The following BNC2 variants were observed in gnomAD, a reference collection of about 807,000 sequenced individuals.
BNC2 encodes zinc finger protein basonuclin-2.
Under a neutral mutation model 76.3 loss-of-function variants are expected in BNC2, and 20 were observed. The ratio of observed to expected loss-of-function variants is 0.26; its 90% CI spans 0.18 to 0.38. BNC2 has a LOEUF of 0.38. Among genes scored for constraint, BNC2 ranks in the 10% least tolerant of loss-of-function variants. The pLI is 1.00. For missense variants in BNC2, 1,382 were observed against 1,399.8 expected (o/e 0.99, Z 0.20); for synonymous variants, 582 against 514.8 (o/e 1.13, Z -1.77).
chr9:16,429,856 C>G, intron 6 of BNC2: 1 of 463,156 alleles, frequency 2.2e-6, no homozygotes, highest in South Asian at 1.5e-5. Flanking sequence ...AGTGAAAGGT[C>G]AGCAGAGGCT....
intron 1 of BNC2, among the ~76,000 whole-genome samples, chr9:16,778,803 G>A (rs1025829273): frequency 1.1e-4 from 16 of 152,118 alleles, no homozygotes; most frequent in African/African-American, 3.6e-4. Context: ...ATTATCCTCT[G>A]TTAAATACAA....
intron 1 of BNC2, among the ~76,000 whole-genome samples, chr9:16,763,327 T>C (rs949768067): frequency 2.6e-5 from 4 of 152,116 alleles, no homozygotes; most frequent in Non-Finnish European, 4.4e-5. Context: ...CCCAGCATTT[T>C]TGGAGGCCAA....
At chr9:16,690,716 C>A (rs1047049552) in intron 3 of BNC2, among the ~76,000 whole-genome samples, 14 of 152,150 alleles carry the variant, frequency 9.2e-5, no homozygotes, top group African/African-American at 2.9e-4. Context: ...GAAGGAGACA[C>A]AGATCTCCTC....
intron 3 of BNC2, chr9:16,726,738 T>G (rs1000240766): frequency 6.6e-5 from 10 of 152,156 alleles, no homozygotes; most frequent in Non-Finnish European, 1.5e-5. Context: ...CAAACTAACT[T>G]GCTTTGTGTG....
At chr9:16,644,761 AG>A (rs748058273) in intron 3 of BNC2, among the ~76,000 whole-genome samples, 8 of 152,240 alleles carry the variant, frequency 5.3e-5, no homozygotes, top group Non-Finnish European at 1.2e-4. Context: ...CAGCCAGCCC[AG>A]CAACTGTCAA....
intron 3 of BNC2, among the ~76,000 whole-genome samples, chr9:16,720,262 G>A (rs1326966739): frequency 1.3e-5 from 2 of 152,120 alleles, no homozygotes; most frequent in East Asian, 3.9e-4. Flanking sequence ...CTACGTTTCA[G>A]GTGCATTTCA....
intron 3 of BNC2, among the ~76,000 whole-genome samples, chr9:16,586,008 A>G (rs1352066590): frequency 6.6e-6 from 1 of 152,192 alleles, no homozygotes; most frequent in African/African-American, 2.4e-5. Context: ...AGGTCTGGGT[A>G]AAGCAGGCCT....
intron 1 of BNC2, among the ~76,000 whole-genome samples, chr9:16,857,934 C>T (rs1170588743): frequency 6.6e-6 from 1 of 152,176 alleles, no homozygotes; most frequent in Non-Finnish European, 1.5e-5. Context: ...TTCATTTGCT[C>T]TCAAGTTTCT....
intron 1 of BNC2, among the ~76,000 whole-genome samples, chr9:16,798,249 A>G (rs1008728901): frequency 3.9e-5 from 6 of 152,206 alleles, no homozygotes; most frequent in South Asian, 2.1e-4. Flanking sequence ...TTAAAACCAT[A>G]TATCTTTGAT....
intron 5 of BNC2, among the ~76,000 whole-genome samples, chr9:16,523,729 A>C (rs1817696381): frequency 6.6e-6 from 1 of 152,016 alleles, no homozygotes; most frequent in Non-Finnish European, 1.5e-5. Flanking sequence ...GTTCGAGACC[A>C]GCCTGGCCAA....
At chr9:16,803,000 T>C (rs2243614) in intron 1 of BNC2, among the ~76,000 whole-genome samples, 13,556 of 152,240 alleles carry the variant, frequency 0.089, 670 homozygotes, top group Middle Eastern at 0.13. Flanking sequence ...CACACAGACA[T>C]TGACTTAATA....
At chr9:16,695,478 G>A (rs1486223223) in intron 3 of BNC2, among the ~76,000 whole-genome samples, 1 of 150,708 alleles carries the variant, frequency 6.6e-6, no homozygotes, top group East Asian at 1.9e-4. Context: ...ATACCCACGT[G>A]CCCTGCAATT....
intron 1 of BNC2, among the ~76,000 whole-genome samples, chr9:16,743,168 G>A (rs1425410755): frequency 6.6e-6 from 1 of 152,186 alleles, no homozygotes; most frequent in Non-Finnish European, 1.5e-5. Flanking sequence ...CCTGAGTCAG[G>A]CCAGATGACA....
At chr9:16,731,520 G>A (rs1176551727) in intron 2 of BNC2, among the ~76,000 whole-genome samples, 1 of 152,174 alleles carries the variant, frequency 6.6e-6, no homozygotes, top group Non-Finnish European at 1.5e-5. Context: ...TGGTAAAATA[G>A]ATTGGAGAAC....
At chr9:16,869,951 G>C (rs1198488005) in intron 1 of BNC2, among the ~76,000 whole-genome samples, 1 of 152,146 alleles carries the variant, frequency 6.6e-6, no homozygotes, top group African/African-American at 2.4e-5. Flanking sequence ...CAACGTGCAA[G>C]TAAAACAAAT....
intron 5 of BNC2, among the ~76,000 whole-genome samples, chr9:16,439,166 A>AT (rs1391811277): frequency 6.6e-6 from 1 of 152,178 alleles, no homozygotes; most frequent in Non-Finnish European, 1.5e-5. Context: ...GCCATGTGGA[A>AT]TTATGAGTCC....
Position 16,725,070 on chromosome 9 carries a change from T to C in BNC2, c.330+2727A>G, listed in dbSNP as rs142123484. On this transcript the variant is annotated intron_variant, in intron 3 of 6. Transcript: ENST00000380672. The stretch of plus-strand genomic sequence containing the variant: ...ACCTCTTTATGCCTCAGCAATGAGA[T>C]GTACAGAATTCTACATATTTGATTA... 2.9e-3 allele frequency among the ~76,000 whole-genome samples: 446 copies of C among 152,280 alleles called. 1 individual carries two copies. The highest frequency in any genetic ancestry group is 0.027 in the Middle Eastern group (8 of 294).
chr9:16,761,089 A>AT (rs938993010), intron 1 of BNC2, among the ~76,000 whole-genome samples: 34 of 151,748 alleles, frequency 2.2e-4, no homozygotes, highest in African/African-American at 8.2e-4. Flanking sequence ...CAAAAAAAAA[A>AT]ATACAAAAAT....
intron 5 of BNC2, among the ~76,000 whole-genome samples, chr9:16,491,404 C>A (rs1587090541): frequency 6.6e-6 from 1 of 152,164 alleles, no homozygotes; most frequent in South Asian, 2.1e-4. Context: ...TCAGAAATGA[C>A]AAGATCTGGT....
Sources: allele counts gnomAD v4.1 joint callset (sites outside exome capture counted in the v4.1 genomes callset), GRCh38; gene constraint gnomAD v4.1.1; transcripts MANE v1.5; gene names NCBI Gene and HGNC (gene_info 2026-07-23, HGNC 2026-07-21).